CHN1: variants seen among roughly 807,000 people sequenced by gnomAD.
CHN1 encodes the protein N-chimaerin.
A neutral mutation model predicts 59.5 loss-of-function variants in CHN1; 37 were observed. The observed-to-expected ratio is 0.62, with a 90% CI of 0.48 to 0.82. CHN1 has a LOEUF of 0.82. Ranked by LOEUF, CHN1 falls within the 40% of genes least tolerant of loss-of-function variation. The pLI, the probability that CHN1 is intolerant of heterozygous loss-of-function variation, is 0.00. For synonymous variants in CHN1, 206 were observed against 200.4 expected, an observed-to-expected ratio of 1.03 and a Z score of -0.24; for missense variants, 469 against 571.0, an observed-to-expected ratio of 0.82 and a Z score of 1.82.
chr2:174,815,582 A>G (rs1335329391), intron 8 of CHN1, among the ~76,000 whole-genome samples: 1 of 130,664 alleles, frequency 7.7e-6, no homozygotes, highest in Non-Finnish European at 1.6e-5. Flanking sequence ...TTCTTTTCGG[A>G]TATTTCCTTT....
chr2:174,964,856 C>T (rs1690544730), intron 1 of CHN1, among the ~76,000 whole-genome samples: 1 of 152,078 alleles, frequency 6.6e-6, no homozygotes, highest in Non-Finnish European at 1.5e-5. Flanking sequence ...AAAAGCGATT[C>T]CAATTTTTCT....
chr2:174,940,017 T>C (rs1308903012), intron 3 of CHN1, among the ~76,000 whole-genome samples: 1 of 149,604 alleles, frequency 6.7e-6, no homozygotes, highest in African/African-American at 2.6e-5. Flanking sequence ...TAATTATTAC[T>C]TTTATTTTAT....
intron 6 of CHN1, among the ~76,000 whole-genome samples, chr2:174,869,377 T>C (rs1364207285): frequency 6.6e-6 from 1 of 152,170 alleles, no homozygotes; most frequent in African/African-American, 2.4e-5. Context: ...AATTAGATGA[T>C]ATGCTTATAA....
rs543380614 is a variant in CHN1, at chr2:174,801,591, C to T, written c.1208+116G>A. 3 of 694,540 alleles carry T rather than the reference C, an allele frequency of 4.3e-6. No homozygotes were observed. The African/African-American group carries it at 5.4e-5, about 12-fold the overall frequency. 43.0% of individuals were successfully genotyped at this position (694,540 alleles called of 1,614,324 possible). A position where few individuals can be genotyped will look rare whatever the true frequency, so the allele number is the denominator to read the frequency against. ...TGCAATTTCACAAAAGACAATATAG[C>T]TATGCATTTATTTATTCATTCAATA... On this transcript the variant is annotated intron_variant, in intron 12 of 12. Transcript: ENST00000409900.
In CHN1 at chr2:174,809,017, C is replaced by G. The variant is rs1454943802; in HGVS notation, c.990G>C (p.Val330=). The change falls in exon 11 of 13, where the codon GTG becomes GTC. Residue 330 remains valine (V), a synonymous_variant. Transcript: ENST00000409900. The stretch of plus-strand genomic sequence containing the variant: ...TAATGTTGATATCTTCATACATGTT[C>G]ACAGAAATATCTGCCTTCTCACCAT... The part of the protein sequence containing the change: ...DRDGEKADIS[V]NMYEDINIIT... The G allele has an allele frequency of 1.2e-6, 2 of 1,609,588 alleles. No individual in the cohort carries two copies. Among genetic ancestry groups the G allele is most frequent in the Non-Finnish European group, 8.5e-7 (1 of 1,177,984 alleles).
chr2:175,000,995 TAC>T (rs1691872345), intron 1 of CHN1, among the ~76,000 whole-genome samples: 1 of 152,214 alleles, frequency 6.6e-6, no homozygotes, highest in African/African-American at 2.4e-5. Flanking sequence ...ATAGTGCAAC[TAC>T]AGTCTTGAAC....
At position 174,927,855 on chromosome 2, in the gene CHN1, T is replaced by G. The variant is rs141785474; in HGVS notation, c.115-9290A>C. Among the ~76,000 whole-genome samples, 794 of 152,346 alleles carry G rather than the reference T, an allele frequency of 5.2e-3. 3 individuals carry two copies. The highest frequency in any genetic ancestry group is 0.018 in the African/African-American group (754 of 41,586). Reference sequence around the variant, plus strand: ...CCTAGTCTGGAAGTCTATATGATGCTTCTTAAAAGCTAGCACATTACATAC... The same window carrying G: ...CCTAGTCTGGAAGTCTATATGATGCGTCTTAAAAGCTAGCACATTACATAC... On this transcript the variant is annotated intron_variant, in intron 3 of 12. Transcript: ENST00000409900.
At chr2:174,884,170 A>C (rs556967208) in intron 5 of CHN1, among the ~76,000 whole-genome samples, 75 of 152,008 alleles carry the variant, frequency 4.9e-4, no homozygotes, top group African/African-American at 1.6e-3. Flanking sequence ...ACGGGGTTTC[A>C]CCATGTTAAC....
chr2:174,875,983 C>T (rs1687552320), intron 6 of CHN1: 1 of 221,892 alleles, frequency 4.5e-6, no homozygotes, highest in South Asian at 1.6e-4. Flanking sequence ...TGTACTGCCG[C>T]AGAGAGATAC....
At chr2:174,869,842 C>G (rs1003037633) in intron 6 of CHN1, among the ~76,000 whole-genome samples, 2 of 152,058 alleles carry the variant, frequency 1.3e-5, no homozygotes, top group African/African-American at 2.4e-5. Context: ...AAACTATACC[C>G]AGAACAGAGA....
chr2:174,871,854 C>T (rs555161546), intron 6 of CHN1, among the ~76,000 whole-genome samples: 4 of 152,316 alleles, frequency 2.6e-5, no homozygotes, highest in Admixed American at 1.3e-4. Context: ...AGACCCTAGC[C>T]TGTTTCCTTG....
At chr2:174,833,971 CTCTTT>C (rs1430391345) in intron 7 of CHN1, among the ~76,000 whole-genome samples, 5 of 152,092 alleles carry the variant, frequency 3.3e-5, no homozygotes, top group South Asian at 2.1e-4. Flanking sequence ...TTGTCTCTTT[CTCTTT>C]TCTTTTCTAA....
At chr2:174,912,202 A>G (rs36017800) in intron 5 of CHN1, among the ~76,000 whole-genome samples, 6,911 of 152,326 alleles carry the variant, frequency 0.045, 219 homozygotes, top group African/African-American at 0.084. Context: ...GTTAATTTCA[A>G]AAGCAATTTA....
chr2:174,995,596 T>C (rs1340444821), intron 1 of CHN1, among the ~76,000 whole-genome samples: 1 of 152,144 alleles, frequency 6.6e-6, no homozygotes, highest in Admixed American at 6.5e-5. Flanking sequence ...CGGTTCACGC[T>C]CCTATGAGAA....
intron 11 of CHN1, among the ~76,000 whole-genome samples, chr2:174,808,008 T>C (rs537511095): frequency 2.2e-4 from 34 of 152,314 alleles, no homozygotes; most frequent in Non-Finnish European, 3.8e-4. Context: ...AAATGAAGTG[T>C]GAATTACAAG....
intron 1 of CHN1, among the ~76,000 whole-genome samples, chr2:174,997,751 G>T (rs1382068945): frequency 2.0e-5 from 3 of 152,050 alleles, no homozygotes; most frequent in South Asian, 2.1e-4. Context: ...GATACAAAAG[G>T]CCGGGTGTGG....
intron 5 of CHN1, among the ~76,000 whole-genome samples, chr2:174,909,431 G>A (rs140471254): frequency 7.2e-4 from 110 of 152,212 alleles, no homozygotes; most frequent in Admixed American, 1.8e-3. Flanking sequence ...GCATTTCCCC[G>A]AGATGTTACT....
chr2:174,987,054 A>G (rs954092277), intron 1 of CHN1, among the ~76,000 whole-genome samples: 7 of 152,170 alleles, frequency 4.6e-5, no homozygotes, highest in African/African-American at 1.4e-4. Context: ...TATTTTGTTA[A>G]TAACATTTTT....
At chr2:174,872,519 G>A (rs1036255675) in intron 6 of CHN1, among the ~76,000 whole-genome samples, 3 of 152,204 alleles carry the variant, frequency 2.0e-5, no homozygotes, top group Admixed American at 6.5e-5. Flanking sequence ...AATACTGTTC[G>A]ATACTAAAAT....
Sources: gnomAD v4.1 joint callset for allele counts (sites outside exome capture counted in the v4.1 genomes callset) on GRCh38, gnomAD v4.1.1 for gene constraint, MANE v1.5 for transcripts, NCBI Gene and HGNC (gene_info 2026-07-23, HGNC 2026-07-21) for gene names.